The following C2orf69 variants were observed in gnomAD, a reference collection of about 807,000 sequenced individuals.
The protein encoded by C2orf69 is chromosome 2 open reading frame 69, also known as mitochondrial protein C2orf69.
Under a neutral mutation model 29.5 loss-of-function variants are expected in C2orf69, and 19 were observed. The observed-to-expected ratio is 0.65, with a 90% CI of 0.45 to 0.95. The LOEUF (loss-of-function observed/expected upper bound fraction) is 0.95, where lower values mean the gene tolerates loss of function less well. Ranked by LOEUF, C2orf69 falls within the 40% of genes least tolerant of loss-of-function variation. C2orf69 has a pLI of 0.00. For missense variants in C2orf69, 416 were observed against 482.1 expected (o/e 0.86, Z 1.28); for synonymous variants, 194 against 180.0 (o/e 1.08, Z -0.62).
Position 199,925,064 on chromosome 2 carries a change from T to C in C2orf69, c.336T>C (p.Asn112=), listed in dbSNP as rs1427809349. ...HVLYFPGDVQ[N]YHEIMTRHPE... ...ATTTCATCTTTCTTACCTTTCAGAA[T>C]TACCATGAAATTATGACTCGTCATC... The change falls in exon 2 of 2, where the codon AAT becomes AAC. Residue 112 remains asparagine (N), a splice_region_variant and synonymous_variant. Coordinates refer to ENST00000319974, the MANE Select transcript of C2orf69 (RefSeq NM_153689.6). This position sits in a 1 kb window ranked among gnomAD's most constrained non-coding sequence, Gnocchi z 4.9. 1 of 1,564,106 alleles carries C rather than the reference T, an allele frequency of 6.4e-7. No individual in the cohort carries two copies. The highest frequency in any genetic ancestry group is 1.4e-5 in the African/African-American group (1 of 73,902).
At chr2:199,913,029 T>G (rs556583950) in intron 1 of C2orf69, among the ~76,000 whole-genome samples, 1 of 149,538 alleles carries the variant, frequency 6.7e-6, no homozygotes, top group African/African-American at 2.5e-5. Context: ...GTGCTCTGAG[T>G]CAGATAATGA....
At chr2:199,914,373 A>T (rs910599787) in intron 1 of C2orf69, among the ~76,000 whole-genome samples, 1 of 152,214 alleles carries the variant, frequency 6.6e-6, no homozygotes, top group Non-Finnish European at 1.5e-5. Flanking sequence ...TCATGTCATT[A>T]ATGGAAACTT....
intron 1 of C2orf69, among the ~76,000 whole-genome samples, chr2:199,922,031 T>TTATATATATATATATATA (rs370430093): frequency 0.074 from 5,840 of 78,574 alleles, 622 homozygotes; most frequent in Admixed American, 0.09. Context: ...ACTGTTATTT[T>TTATATATATATATATATA]TATATATATA....
Position 199,925,511 on chromosome 2 carries a change from T to C in C2orf69, c.783T>C (p.Ile261=), listed in dbSNP as rs2106636541. The change falls in exon 2 of 2, where the codon ATT becomes ATC. Residue 261 remains isoleucine (I), a synonymous_variant. Transcript: ENST00000319974. This position sits in a 1 kb window ranked among gnomAD's most constrained non-coding sequence, Gnocchi z 4.9. ...PSLNDASFTL[I]GFSKGCVVLN... Reference sequence around the variant, plus strand: ...TAAATGACGCATCTTTTACTTTGATTGGATTCAGTAAAGGTTGTGTTGTTT... The same window carrying C: ...TAAATGACGCATCTTTTACTTTGATCGGATTCAGTAAAGGTTGTGTTGTTT... 8 of 1,613,886 alleles carry C rather than the reference T, an allele frequency of 5.0e-6. No individual in the cohort carries two copies. The highest frequency in any genetic ancestry group is 6.8e-6 in the Non-Finnish European group (8 of 1,179,820).
In C2orf69 at chr2:199,911,393, C is replaced by T; in HGVS notation, c.-46C>T. ...CTGCTGAAGTCCCTCCCTCAGGAAC[C>T]CCTCCGCCACCCTCCACCTCCGAAC... On this transcript the variant is annotated 5_prime_UTR_variant, in exon 1 of 2. Coordinates refer to ENST00000319974, the MANE Select transcript of C2orf69 (RefSeq NM_153689.6). 1 of 1,425,970 alleles carries T rather than the reference C, an allele frequency of 7.0e-7. No individual in the cohort carries two copies. The highest frequency in any genetic ancestry group is 9.1e-7 in the Non-Finnish European group (1 of 1,094,122). The allele number at this position is 1,425,970 out of a possible 1,614,324, so 88.3% of individuals were successfully genotyped here. A position where few individuals can be genotyped will look rare whatever the true frequency, so the allele number is the denominator to read the frequency against.
chr2:199,922,031 T>TTATATATATTTATATATATATATA (rs2077318299), intron 1 of C2orf69, among the ~76,000 whole-genome samples: 1 of 78,984 alleles, frequency 1.3e-5, no homozygotes, highest in Non-Finnish European at 2.3e-5. Context: ...ACTGTTATTT[T>TTATATATATTTATATATATATATA]TATATATATA....
At chr2:199,924,508 T>C (rs957031111) in intron 1 of C2orf69, among the ~76,000 whole-genome samples, 1 of 152,214 alleles carries the variant, frequency 6.6e-6, no homozygotes, top group African/African-American at 2.4e-5. Context: ...TATCTAGGAA[T>C]TTAAGGATAT....
At chr2:199,924,038 T>A (rs539433214) in intron 1 of C2orf69, among the ~76,000 whole-genome samples, 1 of 152,330 alleles carries the variant, frequency 6.6e-6, no homozygotes. Flanking sequence ...AGACAATTTA[T>A]ATGCACATCC....
intron 1 of C2orf69, among the ~76,000 whole-genome samples, chr2:199,918,802 A>G (rs754468709): frequency 3.6e-4 from 55 of 152,072 alleles, no homozygotes; most frequent in Non-Finnish European, 5.9e-4. Context: ...TCTTTTCCCA[A>G]CCACTAACCT....
intron 1 of C2orf69, among the ~76,000 whole-genome samples, chr2:199,916,267 G>A (rs1047933524): frequency 6.6e-6 from 1 of 152,134 alleles, no homozygotes; most frequent in Non-Finnish European, 1.5e-5. Context: ...CAGCATGAAG[G>A]TAACCTGCCC....
At chr2:199,922,031 T>TATATATATATCTCTATATATATATA (rs1553566021) in intron 1 of C2orf69, among the ~76,000 whole-genome samples, 1 of 78,984 alleles carries the variant, frequency 1.3e-5, no homozygotes, top group African/African-American at 5.3e-5. Flanking sequence ...ACTGTTATTT[T>TATATATATATCTCTATATATATATA]TATATATATA....
At chr2:199,912,553 A>G (rs1454085697) in intron 1 of C2orf69, among the ~76,000 whole-genome samples, 1 of 152,268 alleles carries the variant, frequency 6.6e-6, no homozygotes, top group Non-Finnish European at 1.5e-5. Flanking sequence ...TGTATTGGAC[A>G]GCACAGATAT....
chr2:199,920,646 T>C (rs1406196775), intron 1 of C2orf69, among the ~76,000 whole-genome samples: 1 of 152,040 alleles, frequency 6.6e-6, no homozygotes, highest in Non-Finnish European at 1.5e-5. Flanking sequence ...CAGAAAGCAA[T>C]AGCAGAATCC....
At chr2:199,912,176 A>G (rs2077266469) in intron 1 of C2orf69, among the ~76,000 whole-genome samples, 2 of 152,212 alleles carry the variant, frequency 1.3e-5, no homozygotes, top group Admixed American at 1.3e-4. Flanking sequence ...AGTGTTTAGA[A>G]AACGGTGGCA....
chr2:199,918,455 G>A (rs750773988), intron 1 of C2orf69, among the ~76,000 whole-genome samples: 8 of 152,056 alleles, frequency 5.3e-5, no homozygotes, highest in Non-Finnish European at 8.8e-5. Flanking sequence ...TCCGTCTCCC[G>A]GGTTCAAGCA....
intron 1 of C2orf69, among the ~76,000 whole-genome samples, chr2:199,924,727 T>G (rs931612822): frequency 6.6e-6 from 1 of 152,202 alleles, no homozygotes; most frequent in African/African-American, 2.4e-5. Flanking sequence ...GTTGATGTGT[T>G]AGGAAAATTG....
At position 199,926,399 on chromosome 2, in the gene C2orf69, A is replaced by G. The variant is rs2077335229; in HGVS notation, c.*513A>G. The G allele has an allele frequency of 6.4e-6, 1 of 155,986 alleles. No homozygotes were observed. The highest frequency in any genetic ancestry group is 6.2e-5 in the Admixed American group (1 of 16,212). 9.7% of individuals were successfully genotyped at this position (155,986 alleles called of 1,614,324 possible). A position where few individuals can be genotyped will look rare whatever the true frequency, so the allele number is the denominator to read the frequency against. On this transcript the variant is annotated 3_prime_UTR_variant, in exon 2 of 2. Transcript: ENST00000319974. ...TGTAAACTCCTTGACTCATTCTTTC[A>G]TGTGTCACCAAGTACTTTTCTCATG...
chr2:199,911,576 G>T lies in C2orf69; in HGVS notation c.138G>T (p.Ser46=). The change falls in exon 1 of 2, where the codon TCG becomes TCT. Residue 46 remains serine, a synonymous_variant. Coordinates refer to ENST00000319974, the MANE Select transcript of C2orf69 (RefSeq NM_153689.6). ...GGSGGARCSL[S]AEVRRRQCLQ... The stretch of plus-strand genomic sequence containing the variant: ...GCGGCGGCGCGCGATGCTCCCTCTC[G>T]GCCGAGGTGCGCCGCCGTCAGTGCC... The T allele has an allele frequency of 1.9e-6, 3 of 1,549,650 alleles. No individual in the cohort carries two copies. Among genetic ancestry groups the T allele is most frequent in the Non-Finnish European group, 2.6e-6 (3 of 1,146,676 alleles).
intron 1 of C2orf69, among the ~76,000 whole-genome samples, chr2:199,916,527 T>G (rs2106636381): frequency 6.6e-6 from 1 of 152,332 alleles, no homozygotes; most frequent in African/African-American, 2.4e-5. Context: ...GGCAAGTCCC[T>G]TCCACCTATG....
Sources: gnomAD v4.1 joint callset for allele counts (sites outside exome capture counted in the v4.1 genomes callset) on GRCh38, gnomAD v4.1.1 for gene constraint, Gnocchi (gnomAD v3.1) non-coding constraint, MANE v1.5 for transcripts, NCBI Gene and HGNC (gene_info 2026-07-23, HGNC 2026-07-21) for gene names.